Variants in SEMA4G observed in about 807,000 individuals in gnomAD.
The protein encoded by SEMA4G is semaphorin 4G, also known as semaphorin-4G.
Under a neutral mutation model 81.2 loss-of-function variants are expected in SEMA4G, and 59 were observed. That is an observed-to-expected ratio of 0.73 (90% CI 0.59 to 0.90). The LOEUF is 0.90. Among genes scored for constraint, SEMA4G ranks in the 40% least tolerant of loss-of-function variants. The probability of loss-of-function intolerance (pLI) is 0.00; values close to 1 mark genes in which losing one functional copy is unlikely to be tolerated. For synonymous variants in SEMA4G, 404 were observed against 433.9 expected (o/e 0.93, Z 0.86); for missense variants, 952 against 1,102.3 (o/e 0.86, Z 1.93).
At chr10:100,980,398 G>A in intron 10 of SEMA4G, 54 bp downstream of exon 11, 1 of 1,534,758 alleles carries the variant, frequency 6.5e-7, no homozygotes, top group Non-Finnish European at 9.0e-7. Flanking sequence ...TAATGCTTCT[G>A]AATCCATTAA....
At chr10:100,984,412 C>T in exon 14 of SEMA4G, 1 of 1,467,630 alleles carries the variant, frequency 6.8e-7, no homozygotes, top group Non-Finnish European at 9.0e-7. Flanking sequence ...GTTCCTATCC[C>T]CTAACCTAAA....
chr10:100,973,748 G>A lies in SEMA4G; in HGVS notation c.336+139G>A. On this transcript the variant is annotated intron_variant, in intron 3 of 13. Transcript: ENST00000370250. The surrounding 1 kb of genome is among the most constrained non-coding windows in gnomAD (Gnocchi z 5.5). ...AACCACAGTAAACATTGTAAGTATT[G>A]CCAGAGTGGCAAGCCATGGGCACAG... The A allele has an allele frequency of 2.1e-5, 16 of 765,466 alleles. 1 individual carries two copies. In the South Asian group the frequency reaches 3.0e-4, roughly 14 times the overall value. 47.4% of individuals were successfully genotyped at this position (765,466 alleles called of 1,614,324 possible).
chr10:100,978,999 G>A lies in SEMA4G; in HGVS notation c.794G>A (p.Arg265His), dbSNP rs377151700. Residue 265 changes from arginine (R) to histidine (H), a missense_variant, in exon 7 of 14, where the codon CGT (arginine) becomes CAT (histidine). This residue lies in a region of SEMA4G where 436 missense variants were observed against 488.2 expected (regional missense o/e 0.89). Transcript: ENST00000370250. ...AGCCGCAGCAGTCACCGTGTGGCCCGTGTGGCTCGTGTCTGCAAGGTGGAT... is the reference window on the plus strand; with the variant it reads ...AGCCGCAGCAGTCACCGTGTGGCCCATGTGGCTCGTGTCTGCAAGGTGGAT... 2.2e-5 allele frequency: 35 copies of A among 1,614,008 alleles called. No individual in the cohort carries two copies. The highest frequency in any genetic ancestry group is 1.5e-4 in the African/African-American group (11 of 74,926).
chr10:100,971,577 G>T (rs992808797), upstream of SEMA4G, among the ~76,000 whole-genome samples: 5 of 152,160 alleles, frequency 3.3e-5, no homozygotes, highest in African/African-American at 9.7e-5. Flanking sequence ...CCTGGGAGAG[G>T]AGGCACCAGT....
At chr10:100,985,288 C>G (rs1365943648), downstream of SEMA4G, 9 of 176,316 alleles carry the variant, frequency 5.1e-5, no homozygotes, top group East Asian at 1.6e-4. Context: ...TCCTACCTCA[C>G]CGGGGCACTT....
At chr10:100,979,137 G>A (rs766970037) in exon 8 of SEMA4G, 5 of 1,614,072 alleles carry the variant, frequency 3.1e-6, no homozygotes, top group Non-Finnish European at 4.2e-6. Context: ...TGCAGAAGAA[G>A]TGGACTTCCT....
chr10:100,977,541 TG>T, intron 3 of SEMA4G, 90 bp from the exon 5 acceptor site: 1 of 945,526 alleles, frequency 1.1e-6, no homozygotes. Context: ...GTCCTGTGGG[TG>T]GGGGCAAGAG....
chr10:100,981,094 A>G (rs768790370), intron 12 of SEMA4G, 74 bp from the exon 14 acceptor site: 14 of 1,607,854 alleles, frequency 8.7e-6, no homozygotes, highest in Middle Eastern at 1.6e-4. Flanking sequence ...TATTAGTAAC[A>G]GACCTATCTA....
downstream of SEMA4G, chr10:100,984,915 C>G (rs954125817): frequency 6.9e-7 from 1 of 1,450,266 alleles, no homozygotes; most frequent in African/African-American, 1.4e-5. Flanking sequence ...CCAGGCATGT[C>G]CCATCCCCAT....
intron 13 of SEMA4G, among the ~76,000 whole-genome samples, chr10:100,982,874 G>C (rs1851172594): frequency 1.3e-5 from 2 of 152,236 alleles, no homozygotes; most frequent in African/African-American, 4.8e-5. Flanking sequence ...TGTGTGGCTG[G>C]TGGTGCCATT....
intron 13 of SEMA4G, among the ~76,000 whole-genome samples, chr10:100,982,212 G>A (rs1851121630): frequency 6.6e-6 from 1 of 152,058 alleles, no homozygotes; most frequent in African/African-American, 2.4e-5. Context: ...CATGCAAGCA[G>A]AGGGAGCAGC....
chr10:100,975,103 A>C, intron 3 of SEMA4G: 2 of 515,040 alleles, frequency 3.9e-6, no homozygotes, highest in Non-Finnish European at 7.8e-6. Context: ...CTGGGGAGGC[A>C]GATGGAACCA....
chr10:100,983,439 G>A, exon 14 of SEMA4G: 1 of 1,613,964 alleles, frequency 6.2e-7, no homozygotes, highest in Non-Finnish European at 8.5e-7. Context: ...TGGGCAGGGT[G>A]GCTACCGTGT....
chr10:100,983,359 TG>T lies in SEMA4G; in HGVS notation c.1746del (p.Cys584ValfsTer20). The stretch of plus-strand genomic sequence containing the variant: ...GTGCTCCGGGGTGATGATGTCCTCC[TG>T]CCCTGTGACCAGCCATCCAACCTGG... On this transcript the variant is annotated frameshift_variant, in exon 14 of 14. Coordinates refer to ENST00000370250, the Ensembl canonical transcript of SEMA4G. LOFTEE classifies it high-confidence loss of function. 6.2e-7 allele frequency: 1 copy of T among 1,603,206 alleles called. No individual in the cohort carries two copies. The highest frequency in any genetic ancestry group is 8.5e-7 in the Non-Finnish European group (1 of 1,174,688).
chr10:100,979,930 C>G, exon 9 of SEMA4G: 1 of 1,614,088 alleles, frequency 6.2e-7, no homozygotes. Context: ...TATGGAATAC[C>G]AGGATGGTTC....
chr10:100,974,756 GGT>G (rs774476108), intron 3 of SEMA4G, among the ~76,000 whole-genome samples: 1 of 152,076 alleles, frequency 6.6e-6, no homozygotes, highest in Non-Finnish European at 1.5e-5. Flanking sequence ...TAAAGAATAG[GGT>G]GTCTCCAGGG....
At chr10:100,977,858 AG>A in intron 4 of SEMA4G, 128 bp downstream of exon 5, 1 of 764,038 alleles carries the variant, frequency 1.3e-6, no homozygotes, top group Admixed American at 2.1e-5. Flanking sequence ...ACTTCCATAC[AG>A]GGCACTCCAG....
chr10:100,978,492 A>G, intron 5 of SEMA4G, 35 bp from the exon 7 acceptor site: 2 of 1,604,926 alleles, frequency 1.2e-6, no homozygotes, highest in Non-Finnish European at 1.7e-6. Context: ...GTTGAATATG[A>G]CATGTCTCTC....
chr10:100,981,262 C>G (rs200927600), intron 13 of SEMA4G, 33 bp downstream of exon 14: 9 of 1,609,050 alleles, frequency 5.6e-6, no homozygotes, highest in African/African-American at 2.7e-5. Context: ...GGTCTAGCTA[C>G]GCAGACTGTC....
Sources: gnomAD v4.1 joint callset for allele counts (sites outside exome capture counted in the v4.1 genomes callset) on GRCh38, gnomAD v4.1.1 for gene constraint, gnomAD v4.1.1 regional missense constraint, Gnocchi (gnomAD v3.1) non-coding constraint, MANE v1.5 for transcripts, NCBI Gene and HGNC (gene_info 2026-07-23, HGNC 2026-07-21) for gene names.